The following FZD10 variants were observed in gnomAD, a reference collection of about 807,000 sequenced individuals.
FZD10 encodes the protein frizzled class receptor 10.
FZD10 carries 14 observed loss-of-function variants against 24.4 expected under a neutral mutation model. The observed-to-expected ratio is 0.57, with a 90% CI of 0.38 to 0.90. The LOEUF (loss-of-function observed/expected upper bound fraction) is 0.90, where lower values mean the gene tolerates loss of function less well. Among genes scored for constraint, FZD10 ranks in the 40% least tolerant of loss-of-function variants. The pLI, the probability that FZD10 is intolerant of heterozygous loss-of-function variation, is 0.00. For missense variants in FZD10, 775 were observed against 816.6 expected (o/e 0.95, Z 0.62); for synonymous variants, 381 against 349.1 (o/e 1.09, Z -1.02).
chr12:130,163,346 G>A lies in FZD10; in HGVS notation c.404G>A (p.Arg135Gln), dbSNP rs1177822450. 7.4e-6 allele frequency: 12 copies of A among 1,612,884 alleles called. No individual in the cohort carries two copies. Among genetic ancestry groups the A allele is most frequent in the South Asian group, 1.1e-5 (1 of 91,092 alleles). Residue 135 changes from arginine to glutamine, a missense_variant, in exon 1 of 1, where the codon CGG (arginine) becomes CAG (glutamine). Physicochemically the swap from Arg to Gln is conservative, Grantham distance 43 (BLOSUM62 1). Transcript: ENST00000229030. ...NFKWPDSLDC[R>Q]KLPNKNDPNY... is the part of the protein sequence containing the mutation. Reference sequence around the variant, plus strand: ...AAGTGGCCCGACTCCCTGGACTGCCGGAAACTCCCCAACAAGAACGACCCC... The same window carrying A: ...AAGTGGCCCGACTCCCTGGACTGCCAGAAACTCCCCAACAAGAACGACCCC...
At position 130,164,448 on chromosome 12, in the gene FZD10, G is replaced by T; in HGVS notation, c.1506G>T (p.Glu502Asp). ...TGGCCGCCTCCATCCCCGCCGTGGAGATCTTCATGGTGAAGATCTTTATGC... is the reference window on the plus strand; with the variant it reads ...TGGCCGCCTCCATCCCCGCCGTGGATATCTTCATGGTGAAGATCTTTATGC... ...CLMAASIPAV[E>D]IFMVKIFMLL... The change falls in exon 1 of 1, where the codon GAG (glutamate) becomes GAT (aspartate). Residue 502 changes from glutamate to aspartate, a missense_variant. Transcript: ENST00000229030. This position sits in a 1 kb window ranked among gnomAD's most constrained non-coding sequence, Gnocchi z 5.3. The T allele has an allele frequency of 1.2e-6, 2 of 1,613,870 alleles. No homozygotes were observed. The highest frequency in any genetic ancestry group is 1.7e-6 in the Non-Finnish European group (2 of 1,180,028).
Position 130,163,479 on chromosome 12 carries a change from G to A in FZD10, c.537G>A (p.Glu179=). 1.2e-6 allele frequency: 2 copies of A among 1,604,584 alleles called. No individual in the cohort carries two copies. The highest frequency in any genetic ancestry group is 1.7e-6 in the Non-Finnish European group (2 of 1,175,472). Reference sequence around the variant, plus strand: ...CGCAGCGGCCCCACAGCGCGCAGGAGCACCCGCTGAAGGACGGGGGCCCCG... The same window carrying A: ...CGCAGCGGCCCCACAGCGCGCAGGAACACCCGCTGAAGGACGGGGGCCCCG... ...FRPQRPHSAQ[E]HPLKDGGPGR... Residue 179 remains glutamate, a synonymous_variant, in exon 1 of 1, where the codon GAG becomes GAA. Transcript: ENST00000229030.
chr12:130,163,272 C>G lies in FZD10; in HGVS notation c.330C>G (p.Cys110Trp). Reference sequence around the variant, plus strand: ...CCATCCCCGCCTGCCGGGTCATGTGCGAGCAGGCCCGGCTCAAGTGCTCCC... The same window carrying G: ...CCATCCCCGCCTGCCGGGTCATGTGGGAGCAGGCCCGGCTCAAGTGCTCCC... ...STPIPACRVM[C>W]EQARLKCSPI... Residue 110 changes from cysteine to tryptophan, a missense_variant, in exon 1 of 1, where the codon TGC becomes TGG. Physicochemically the swap from Cys to Trp is radical, Grantham distance 215. Coordinates refer to ENST00000229030, the MANE Select transcript of FZD10 (RefSeq NM_007197.4). The G allele has an allele frequency of 6.2e-7, 1 of 1,613,062 alleles. No individual in the cohort carries two copies. The highest frequency in any genetic ancestry group is 8.5e-7 in the Non-Finnish European group (1 of 1,179,942).
chr12:130,163,160 C>G lies in FZD10; in HGVS notation c.218C>G (p.Pro73Arg), dbSNP rs778678017. Residue 73 changes from proline to arginine, a missense_variant, in exon 1 of 1, where the codon CCG becomes CGG. Transcript: ENST00000229030. The part of the protein sequence containing the change: ...EAAIQLHEFA[P>R]LVEYGCHGHL... Reference sequence around the variant, plus strand: ...GCCATCCAGTTGCACGAGTTCGCGCCGCTGGTGGAGTACGGCTGCCACGGC... The same window carrying G: ...GCCATCCAGTTGCACGAGTTCGCGCGGCTGGTGGAGTACGGCTGCCACGGC... The G allele has an allele frequency of 8.2e-5, 132 of 1,612,822 alleles. No individual in the cohort carries two copies. Among genetic ancestry groups the G allele is most frequent in the Non-Finnish European group, 5.1e-6 (6 of 1,179,936 alleles).
In FZD10 at chr12:130,164,873, GT is replaced by G; in HGVS notation, c.*189del. Reference sequence around the variant, plus strand: ...CTGAAAGGAAAAATGTACTTAAAGGGTTTTGTTTTGTTTTGGTTTTCCAGCG... The same window carrying G: ...CTGAAAGGAAAAATGTACTTAAAGGGTTTGTTTTGTTTTGGTTTTCCAGCG... On this transcript the variant is annotated 3_prime_UTR_variant, in exon 1 of 1. Transcript: ENST00000229030. The surrounding 1 kb of genome is among the most constrained non-coding windows in gnomAD (Gnocchi z 5.3). 1 of 513,140 alleles carries G rather than the reference GT, an allele frequency of 1.9e-6. No homozygotes were observed. The highest frequency in any genetic ancestry group is 3.5e-6 in the Non-Finnish European group (1 of 288,840). The allele number at this position is 513,140 out of a possible 1,614,324, so 31.8% of individuals were successfully genotyped here.
At position 130,162,550 on chromosome 12, in the gene FZD10, G is replaced by GT. The variant is rs547796424; in HGVS notation, c.-392dup. On this transcript the variant is annotated 5_prime_UTR_variant, in exon 1 of 1. Coordinates refer to ENST00000229030, the MANE Select transcript of FZD10 (RefSeq NM_007197.4). ...CAGGGAGGGAGGAGCCGCCCGGGCT[G>GT]TGGGGGCGCCGCGAGCTGGGCCGGC... 760 of 153,632 alleles carry GT rather than the reference G, an allele frequency of 4.9e-3. 6 individuals are homozygous for GT. Among genetic ancestry groups the GT allele is most frequent in the African/African-American group, 0.017 (725 of 41,470 alleles). The allele number at this position is 153,632 out of a possible 1,614,324, so 9.5% of individuals were successfully genotyped here.
Position 130,164,926 on chromosome 12 carries a change from C to T in FZD10, c.*238C>T. 2 of 440,802 alleles carry T rather than the reference C, an allele frequency of 4.5e-6. No individual in the cohort carries two copies. Among genetic ancestry groups the T allele is most frequent in the East Asian group, 3.6e-5 (1 of 27,902 alleles). 27.3% of individuals were successfully genotyped at this position (440,802 alleles called of 1,614,324 possible). A position where few individuals can be genotyped will look rare whatever the true frequency, so the allele number is the denominator to read the frequency against. On this transcript the variant is annotated 3_prime_UTR_variant, in exon 1 of 1. Coordinates refer to ENST00000229030, the MANE Select transcript of FZD10 (RefSeq NM_007197.4). The surrounding 1 kb of genome is among the most constrained non-coding windows in gnomAD (Gnocchi z 5.3). Reference sequence around the variant, plus strand: ...AGGGAAGCTCCTCCAGTGAAGTAGCCTCTTGTGTAACTAATTTGTGGTAAA... The same window carrying T: ...AGGGAAGCTCCTCCAGTGAAGTAGCTTCTTGTGTAACTAATTTGTGGTAAA...
Position 130,164,103 on chromosome 12 carries a change from C to T in FZD10, c.1161C>T (p.Gly387=), listed in dbSNP as rs372175739. The T allele has an allele frequency of 6.2e-7, 1 of 1,613,692 alleles. No individual in the cohort carries two copies. Among genetic ancestry groups the T allele is most frequent in the Middle Eastern group, 1.6e-4 (1 of 6,062 alleles). The change falls in exon 1 of 1, where the codon GGC becomes GGT. Residue 387 remains glycine (G), a synonymous_variant. Coordinates refer to ENST00000229030, the MANE Select transcript of FZD10 (RefSeq NM_007197.4). The surrounding 1 kb of genome is among the most constrained non-coding windows in gnomAD (Gnocchi z 5.3). The part of the protein sequence containing the change: ...GDELTGVCYV[G]SMDVNALTGF... Reference sequence around the variant, plus strand: ...AGCTCACCGGGGTCTGCTACGTGGGCAGCATGGACGTCAACGCGCTCACCG... The same window carrying T: ...AGCTCACCGGGGTCTGCTACGTGGGTAGCATGGACGTCAACGCGCTCACCG...
chr12:130,164,309 C>G lies in FZD10; in HGVS notation c.1367C>G (p.Thr456Ser). The change falls in exon 1 of 1, where the codon ACC (threonine) becomes AGC (serine). Residue 456 changes from threonine to serine, a missense_variant. Thr to Ser is a moderately conservative substitution (Grantham distance 58). Transcript: ENST00000229030. This position sits in a 1 kb window ranked among gnomAD's most constrained non-coding sequence, Gnocchi z 5.3. ...LFSVLYTVPATCVIACYFYER... is the reference protein window; with the variant it reads ...LFSVLYTVPASCVIACYFYER... ...TCTGTGCTGTACACCGTGCCGGCCA[C>G]CTGTGTGATCGCCTGCTACTTTTAC... 1 of 1,614,168 alleles carries G rather than the reference C, an allele frequency of 6.2e-7. No homozygotes were observed. Among genetic ancestry groups the G allele is most frequent in the Non-Finnish European group, 8.5e-7 (1 of 1,180,040 alleles).
Position 130,164,490 on chromosome 12 carries a change from C to T in FZD10, c.1548C>T (p.Ile516=), listed in dbSNP as rs201821284. 1 of 1,613,464 alleles carries T rather than the reference C, an allele frequency of 6.2e-7. No homozygotes were observed. The highest frequency in any genetic ancestry group is 1.3e-5 in the African/African-American group (1 of 75,048). ...TCTTTATGCTGCTGGTGGTGGGGAT[C>T]ACCAGCGGGATGTGGATTTGGACCT... ...VKIFMLLVVG[I]TSGMWIWTSK... The change falls in exon 1 of 1, where the codon ATC becomes ATT. Residue 516 remains isoleucine, a synonymous_variant. Transcript: ENST00000229030. The surrounding 1 kb of genome is among the most constrained non-coding windows in gnomAD (Gnocchi z 5.3).
chr12:130,163,030 G>A lies in FZD10; in HGVS notation c.88G>A (p.Gly30Ser), dbSNP rs1871701090. The A allele has an allele frequency of 6.2e-7, 1 of 1,611,422 alleles. No homozygotes were observed. Among genetic ancestry groups the A allele is most frequent in the African/African-American group, 1.3e-5 (1 of 74,898 alleles). The change falls in exon 1 of 1, where the codon GGC becomes AGC. Residue 30 changes from glycine (G) to serine (S), a missense_variant. Gly to Ser is a moderately conservative substitution (Grantham distance 56, BLOSUM62 0). Coordinates refer to ENST00000229030, the MANE Select transcript of FZD10 (RefSeq NM_007197.4). ...CAGCTCCATGGACATGGAGCGCCCGGGCGACGGCAAATGCCAGCCCATCGA... is the reference window on the plus strand; with the variant it reads ...CAGCTCCATGGACATGGAGCGCCCGAGCGACGGCAAATGCCAGCCCATCGA... ...AISSMDMERPGDGKCQPIEIP... is the reference protein window; with the variant it reads ...AISSMDMERPSDGKCQPIEIP...
rs943935053 is a variant in FZD10 at position 130,162,939 on chromosome 12, C to T, written c.-4C>T. ...CTCCCCGCGAGGACACGTCCAACGC[C>T]AGCATGCAGCGCCCGGGCCCCCGCC... On this transcript the variant is annotated 5_prime_UTR_variant, in exon 1 of 1. Transcript: ENST00000229030. 6.6e-7 allele frequency: 1 copy of T among 1,512,150 alleles called. No individual in the cohort carries two copies. Among genetic ancestry groups the T allele is most frequent in the African/African-American group, 1.4e-5 (1 of 72,342 alleles). The allele number at this position is 1,512,150 out of a possible 1,614,324, so 93.7% of individuals were successfully genotyped here. A position where few individuals can be genotyped will look rare whatever the true frequency, so the allele number is the denominator to read the frequency against.
Position 130,162,886 on chromosome 12 carries a change from G to A in FZD10, c.-57G>A, listed in dbSNP as rs955824989. 4 of 1,346,998 alleles carry A rather than the reference G, an allele frequency of 3.0e-6. No individual in the cohort carries two copies. In the Admixed American group the frequency reaches 8.7e-5, roughly 29 times the overall value. The allele number at this position is 1,346,998 out of a possible 1,614,324, so 83.4% of individuals were successfully genotyped here. On this transcript the variant is annotated 5_prime_UTR_variant, in exon 1 of 1. Coordinates refer to ENST00000229030, the MANE Select transcript of FZD10 (RefSeq NM_007197.4). ...CCGGGGCCAGCAGCAGCCCGTGCCC[G>A]GGAGCGGCGGCGCTGAGGGGCGCGG...
rs140624613 is a variant in FZD10 at position 130,164,302 on chromosome 12, C to A, written c.1360C>A (p.Pro454Thr). Residue 454 changes from proline to threonine, a missense_variant, in exon 1 of 1, where the codon CCG (proline) becomes ACG (threonine). Physicochemically the swap from Pro to Thr is conservative, Grantham distance 38. Transcript: ENST00000229030. The surrounding 1 kb of genome is among the most constrained non-coding windows in gnomAD (Gnocchi z 5.3). ...IGLFSVLYTVPATCVIACYFY... is the reference protein window; with the variant it reads ...IGLFSVLYTVTATCVIACYFY... ...GCTCTTCTCTGTGCTGTACACCGTG[C>A]CGGCCACCTGTGTGATCGCCTGCTA... 1 of 1,614,132 alleles carries A rather than the reference C, an allele frequency of 6.2e-7. No individual in the cohort carries two copies. The highest frequency in any genetic ancestry group is 8.5e-7 in the Non-Finnish European group (1 of 1,180,020).
chr12:130,163,584 C>T lies in FZD10; in HGVS notation c.642C>T (p.Gly214=). 6.2e-7 allele frequency: 1 copy of T among 1,609,422 alleles called. No homozygotes were observed. Among genetic ancestry groups the T allele is most frequent in the Non-Finnish European group, 8.5e-7 (1 of 1,177,682 alleles). The change falls in exon 1 of 1, where the codon GGC becomes GGT. Residue 214 remains glycine (G), a synonymous_variant. Transcript: ENST00000229030. The part of the protein sequence containing the change: ...SASCAPLCTP[G]VDVYWSREDK... ...CGTGCGCGCCGCTCTGCACGCCCGG[C>T]GTGGACGTGTACTGGAGCCGCGAGG...
rs369909349 is a variant in FZD10, at chr12:130,164,959, A to C, written c.*271A>C. On this transcript the variant is annotated 3_prime_UTR_variant, in exon 1 of 1. Coordinates refer to ENST00000229030, the MANE Select transcript of FZD10 (RefSeq NM_007197.4). The surrounding 1 kb of genome is among the most constrained non-coding windows in gnomAD (Gnocchi z 5.3). Reference sequence around the variant, plus strand: ...TAACTAATTTGTGGTAAAGTAGTTGATTCAGCCCTCAGAAGAAAACTTTTG... The same window carrying C: ...TAACTAATTTGTGGTAAAGTAGTTGCTTCAGCCCTCAGAAGAAAACTTTTG... 1.8e-4 allele frequency: 64 copies of C among 362,394 alleles called. No homozygotes were observed. Among genetic ancestry groups the C allele is most frequent in the African/African-American group, 1.3e-3 (60 of 47,888 alleles). 22.4% of individuals were successfully genotyped at this position (362,394 alleles called of 1,614,324 possible). A position where few individuals can be genotyped will look rare whatever the true frequency, so the allele number is the denominator to read the frequency against.
Position 130,163,494 on chromosome 12 carries a change from C to T in FZD10, c.552C>T (p.Asp184=), listed in dbSNP as rs1566096160. The T allele has an allele frequency of 6.3e-7, 1 of 1,590,028 alleles. No homozygotes were observed. Among genetic ancestry groups the T allele is most frequent in the African/African-American group, 1.3e-5 (1 of 74,222 alleles). The change falls in exon 1 of 1, where the codon GAC becomes GAT. Residue 184 remains aspartate (D), a synonymous_variant. Transcript: ENST00000229030. The stretch of plus-strand genomic sequence containing the variant: ...GCGCGCAGGAGCACCCGCTGAAGGA[C>T]GGGGGCCCCGGGCGCGGCGGCTGCG... ...PHSAQEHPLK[D]GGPGRGGCDN...
At position 130,163,116 on chromosome 12, in the gene FZD10, C is replaced by A. The variant is rs1365196904; in HGVS notation, c.174C>A (p.His58Gln). The A allele has an allele frequency of 2.0e-5, 33 of 1,612,852 alleles. No individual in the cohort carries two copies. The highest frequency in any genetic ancestry group is 2.7e-5 in the Non-Finnish European group (32 of 1,179,896). The change falls in exon 1 of 1, where the codon CAC (histidine) becomes CAA (glutamine). Residue 58 changes from histidine (H) to glutamine (Q), a missense_variant. His to Gln is a conservative substitution (Grantham distance 24). Coordinates refer to ENST00000229030, the MANE Select transcript of FZD10 (RefSeq NM_007197.4). ...CTCGTATGCCCAACCTGATGGGCCACGAGAACCAGCGCGAGGCAGCCATCC... is the reference window on the plus strand; with the variant it reads ...CTCGTATGCCCAACCTGATGGGCCAAGAGAACCAGCGCGAGGCAGCCATCC... Reference protein sequence around the residue: ...NMTRMPNLMGHENQREAAIQL... With the variant: ...NMTRMPNLMGQENQREAAIQL...
At position 130,163,903 on chromosome 12, in the gene FZD10, A is replaced by G; in HGVS notation, c.961A>G (p.Met321Val). 6.2e-7 allele frequency: 1 copy of G among 1,613,896 alleles called. No homozygotes were observed. The highest frequency in any genetic ancestry group is 8.5e-7 in the Non-Finnish European group (1 of 1,180,038). ...CTTCCTGGTCCTCTACTACTTCGGC[A>G]TGGCCAGCTCGCTGTGGTGGGTGGT... Reference protein sequence around the residue: ...LVFLVLYYFGMASSLWWVVLT... With the variant: ...LVFLVLYYFGVASSLWWVVLT... Residue 321 changes from methionine (M) to valine (V), a missense_variant, in exon 1 of 1, where the codon ATG becomes GTG. Physicochemically the swap from Met to Val is conservative, Grantham distance 21. Coordinates refer to ENST00000229030, the MANE Select transcript of FZD10 (RefSeq NM_007197.4).
Sources: allele counts gnomAD v4.1 joint callset, GRCh38; gene constraint gnomAD v4.1.1; non-coding constraint Gnocchi (gnomAD v3.1); transcripts MANE v1.5; gene names NCBI Gene and HGNC (gene_info 2026-07-23, HGNC 2026-07-21).